CEP41: variants seen among roughly 807,000 people sequenced by gnomAD.
The protein encoded by CEP41 is centrosomal protein 41.
In CEP41, 32 loss-of-function variants were observed where a neutral mutation model predicts 44.3. The ratio of observed to expected loss-of-function variants is 0.72; its 90% CI spans 0.54 to 0.97. The LOEUF is 0.97. Among genes scored for constraint, CEP41 ranks in the 50% least tolerant of loss-of-function variants. The pLI is 0.00. For missense variants in CEP41, 432 were observed against 455.2 expected, an observed-to-expected ratio of 0.95 and a Z score of 0.46; for synonymous variants, 151 against 168.5, an observed-to-expected ratio of 0.90 and a Z score of 0.80.
rs1796605228 is a variant in CEP41 at position 130,394,490 on chromosome 7, G to A, written c.*4401C>T. The A allele has an allele frequency of 2.2e-6, 1 of 453,954 alleles. No individual in the cohort carries two copies. The highest frequency in any genetic ancestry group is 2.0e-5 in the African/African-American group (1 of 49,990). The allele number at this position is 453,954 out of a possible 1,614,324, so 28.1% of individuals were successfully genotyped here. ...GAAAACCTACTCTTAAGATGGGGGT[G>A]GTGTGTGACCTTTGCGTGCTGAATT... On this transcript the variant is annotated 3_prime_UTR_variant, in exon 11 of 11. Transcript: ENST00000223208.
At chr7:130,400,863 T>G in intron 8 of CEP41, 42 bp from the exon 9 acceptor site, 1 of 1,300,020 alleles carries the variant, frequency 7.7e-7, no homozygotes, top group Non-Finnish European at 1.1e-6. Context: ...ACTGGGCTGA[T>G]GTCCCAAGAC....
At chr7:130,426,639 C>T (rs1245695205) in intron 2 of CEP41, 1 of 455,828 alleles carries the variant, frequency 2.2e-6, no homozygotes, top group Non-Finnish European at 4.4e-6. Flanking sequence ...CTCACAGAAT[C>T]ACTTACTTCA....
Position 130,394,473 on chromosome 7 carries a change from A to C in CEP41, c.*4418T>G. On this transcript the variant is annotated 3_prime_UTR_variant, in exon 11 of 11. Transcript: ENST00000223208. ...AGATTTGAAACAAAAGAGAAAACCT[A>C]CTCTTAAGATGGGGGTGGTGTGTGA... The C allele has an allele frequency of 4.4e-6, 2 of 453,940 alleles. No homozygotes were observed. Among genetic ancestry groups the C allele is most frequent in the Non-Finnish European group, 8.8e-6 (2 of 226,748 alleles). The allele number at this position is 453,940 out of a possible 1,614,324, so 28.1% of individuals were successfully genotyped here.
chr7:130,426,637 A>G (rs1554423567), intron 2 of CEP41: 2 of 456,242 alleles, frequency 4.4e-6, no homozygotes, highest in Non-Finnish European at 8.8e-6. Flanking sequence ...ACCTCACAGA[A>G]TCACTTACTT....
intron 6 of CEP41, 127 bp downstream of exon 6, chr7:130,404,437 T>A: frequency 1.3e-6 from 1 of 746,936 alleles, no homozygotes; most frequent in Non-Finnish European, 2.3e-6. Context: ...AAGGCTGGGA[T>A]TAAAATGTGA....
At chr7:130,441,269 A>T, upstream of CEP41, 6 of 218,364 alleles carry the variant, frequency 2.7e-5, no homozygotes, top group Non-Finnish European at 4.3e-5. Context: ...GGGGAGGGGA[A>T]GGCTGGCGCC....
In CEP41 at chr7:130,393,945, A is replaced by G. The variant is rs1554413408; in HGVS notation, c.*4946T>C. Reference sequence around the variant, plus strand: ...AAGCCCTGGAGCACCTGTCTTCAAGATAAGACAGCAGACACAGGCGGTGGA... The same window carrying G: ...AAGCCCTGGAGCACCTGTCTTCAAGGTAAGACAGCAGACACAGGCGGTGGA... On this transcript the variant is annotated 3_prime_UTR_variant, in exon 11 of 11. Transcript: ENST00000223208. 4.4e-6 allele frequency: 2 copies of G among 454,114 alleles called. No individual in the cohort carries two copies. The highest frequency in any genetic ancestry group is 6.9e-5 in the East Asian group (1 of 14,398). 28.1% of individuals were successfully genotyped at this position (454,114 alleles called of 1,614,324 possible). A position where few individuals can be genotyped will look rare whatever the true frequency, so the allele number is the denominator to read the frequency against.
intron 5 of CEP41, chr7:130,410,768 G>C (rs573067790): frequency 2.9e-6 from 1 of 346,224 alleles, no homozygotes; most frequent in African/African-American, 2.1e-5. Flanking sequence ...GCACACATGT[G>C]ACTGTCAATT....
At chr7:130,426,266 G>C (rs940316685) in intron 2 of CEP41, among the ~76,000 whole-genome samples, 9 of 151,968 alleles carry the variant, frequency 5.9e-5, no homozygotes, top group Non-Finnish European at 1.3e-4. Flanking sequence ...GGATATAAAA[G>C]GACATATGTA....
At chr7:130,425,970 G>A (rs1797648793) in intron 2 of CEP41, among the ~76,000 whole-genome samples, 1 of 152,230 alleles carries the variant, frequency 6.6e-6, no homozygotes, top group Non-Finnish European at 1.5e-5. Flanking sequence ...AGAACAGACT[G>A]GTGATCGCAG....
chr7:130,407,017 C>A (rs2117584946), intron 5 of CEP41, among the ~76,000 whole-genome samples: 1 of 151,502 alleles, frequency 6.6e-6, no homozygotes, highest in South Asian at 2.1e-4. Context: ...AAGAAATGAT[C>A]CTAAACTGAA....
intron 7 of CEP41, 52 bp downstream of exon 7, chr7:130,402,596 G>T: frequency 6.3e-7 from 1 of 1,593,430 alleles, no homozygotes; most frequent in Non-Finnish European, 8.6e-7. Flanking sequence ...AGACTCAAGA[G>T]CAGGCTCTCT....
At chr7:130,440,805 ACCCCTCCTC>A in intron 1 of CEP41, 120 bp downstream of exon 1, 2 of 352,300 alleles carry the variant, frequency 5.7e-6, no homozygotes, top group East Asian at 6.9e-5. Flanking sequence ...CTGCATCCCG[ACCCCTCCTC>A]ACGCCGGCCC....
At chr7:130,400,293 T>C (rs887950120) in intron 9 of CEP41, 39 bp from the exon 10 acceptor site, 1 of 1,492,898 alleles carries the variant, frequency 6.7e-7, no homozygotes, top group Non-Finnish European at 9.3e-7. Flanking sequence ...TGCATTAATA[T>C]GGCAAGGCCA....
intron 9 of CEP41, chr7:130,400,474 G>C (rs1487366971): frequency 1.6e-6 from 1 of 637,410 alleles, no homozygotes; most frequent in Non-Finnish European, 2.8e-6. Flanking sequence ...CCTTTTGCTC[G>C]AGTCTTCAGC....
intron 2 of CEP41, chr7:130,419,479 A>T (rs1267631118): frequency 1.0e-6 from 1 of 984,818 alleles, no homozygotes. Context: ...CTACCTTTTA[A>T]AAAGATTGGA....
At chr7:130,435,944 G>A (rs1554426046) in intron 1 of CEP41, among the ~76,000 whole-genome samples, 1 of 152,148 alleles carries the variant, frequency 6.6e-6, no homozygotes, top group Non-Finnish European at 1.5e-5. Context: ...CATTAGGTCA[G>A]GAGTTCAAGA....
intron 10 of CEP41, chr7:130,399,633 C>T: frequency 4.2e-6 from 1 of 238,606 alleles, no homozygotes; most frequent in Non-Finnish European, 8.2e-6. Context: ...GCCTGGCCAA[C>T]ATGGTGAAAC....
At chr7:130,436,324 A>G (rs1554426139) in intron 1 of CEP41, among the ~76,000 whole-genome samples, 1 of 152,064 alleles carries the variant, frequency 6.6e-6, no homozygotes, top group African/African-American at 2.4e-5. Context: ...CACATACTGT[A>G]TGATTCCATT....
Sources: allele counts gnomAD v4.1 joint callset (sites outside exome capture counted in the v4.1 genomes callset), GRCh38; gene constraint gnomAD v4.1.1; transcripts MANE v1.5; gene names NCBI Gene and HGNC (gene_info 2026-07-23, HGNC 2026-07-21).